UNC5C: variants seen among roughly 807,000 people sequenced by gnomAD.
UNC5C encodes the protein unc-5 netrin receptor C, also known as netrin receptor UNC5C.
A neutral mutation model predicts 99.8 loss-of-function variants in UNC5C; 47 were observed. The ratio of observed to expected loss-of-function variants is 0.47; its 90% confidence interval spans 0.37 to 0.60. The LOEUF is 0.60. Among genes scored for constraint, UNC5C ranks in the 20% least tolerant of loss-of-function variants. UNC5C has a pLI of 0.00. For missense variants in UNC5C, 1,062 were observed against 1,165.9 expected (o/e 0.91, Z 1.30); for synonymous variants, 487 against 452.2 (o/e 1.08, Z -0.98).
At chr4:95,394,244 T>C (rs1579380502) in intron 1 of UNC5C, among the ~76,000 whole-genome samples, 1 of 149,704 alleles carries the variant, frequency 6.7e-6, no homozygotes, top group East Asian at 1.9e-4. Context: ...TCTGAAACTT[T>C]AATAGTAATT....
intron 1 of UNC5C, among the ~76,000 whole-genome samples, chr4:95,508,669 T>A (rs1305438732): frequency 6.6e-6 from 1 of 151,856 alleles, no homozygotes; most frequent in Non-Finnish European, 1.5e-5. Context: ...TCTAGTTTGT[T>A]CCCAAAAAGG....
intron 12 of UNC5C, among the ~76,000 whole-genome samples, chr4:95,192,323 AC>A (rs1737169147): frequency 2.7e-5 from 1 of 36,666 alleles, no homozygotes; most frequent in African/African-American, 1.2e-4. Flanking sequence ...TCCCCTGCTC[AC>A]CTCCTCCCCT....
rs58901868 is a variant in UNC5C at position 95,536,061 on chromosome 4, CATAT to C, written c.124+12669_124+12672del. Among the ~76,000 whole-genome samples the C allele has an allele frequency of 1.3e-3, 176 of 140,788 alleles. 6 individuals are homozygous for C. The highest frequency in any genetic ancestry group is 1.5e-3 in the Non-Finnish European group (98 of 65,608). The allele number at this position is 140,788 out of a possible 152,430, so 92.4% of individuals were successfully genotyped here. A position where few individuals can be genotyped will look rare whatever the true frequency, so the allele number is the denominator to read the frequency against. On this transcript the variant is annotated intron_variant, in intron 1 of 15. Coordinates refer to ENST00000453304, the MANE Select transcript of UNC5C (RefSeq NM_003728.4). ...TGTTGGCAGTCCATATACATACATACATATATATATATATATATATATTTTTTTT... is the reference window on the plus strand; with the variant it reads ...TGTTGGCAGTCCATATACATACATACATATATATATATATATATTTTTTTT...
chr4:95,533,058 T>C (rs1722693968), intron 1 of UNC5C, among the ~76,000 whole-genome samples: 1 of 152,100 alleles, frequency 6.6e-6, no homozygotes, highest in Non-Finnish European at 1.5e-5. Flanking sequence ...GAAATGGACA[T>C]ATTTTTAAAA....
intron 12 of UNC5C, among the ~76,000 whole-genome samples, chr4:95,199,230 C>T (rs1737555445): frequency 6.6e-6 from 1 of 152,070 alleles, no homozygotes; most frequent in Admixed American, 6.5e-5. Context: ...TAGCAGGGCG[C>T]CAAGAAGGCA....
intron 10 of UNC5C, 75 bp downstream of exon 10, chr4:95,216,049 T>A: frequency 7.7e-7 from 1 of 1,295,246 alleles, no homozygotes; most frequent in Non-Finnish European, 1.1e-6. Context: ...TATGTTGGGT[T>A]TATTGTGTCT....
At chr4:95,227,467 T>TAA (rs1157033402) in intron 7 of UNC5C, among the ~76,000 whole-genome samples, 2 of 152,212 alleles carry the variant, frequency 1.3e-5, no homozygotes, top group Non-Finnish European at 2.9e-5. Flanking sequence ...CTTGTATTTT[T>TAA]AAAGAAAATT....
At chr4:95,295,459 A>G (rs918078218) in intron 3 of UNC5C, among the ~76,000 whole-genome samples, 2 of 152,156 alleles carry the variant, frequency 1.3e-5, no homozygotes, top group African/African-American at 4.8e-5. Context: ...CTCTGCCTTG[A>G]TTGTCTCACA....
intron 1 of UNC5C, among the ~76,000 whole-genome samples, chr4:95,536,387 T>A (rs996823941): frequency 2.6e-5 from 4 of 151,736 alleles, no homozygotes; most frequent in African/African-American, 7.2e-5. Flanking sequence ...CTCAATATAT[T>A]TTTTTTTAGT....
At chr4:95,254,533 C>T (rs1413928408) in intron 4 of UNC5C, among the ~76,000 whole-genome samples, 2 of 152,162 alleles carry the variant, frequency 1.3e-5, no homozygotes, top group Non-Finnish European at 2.9e-5. Flanking sequence ...CAGTCTAGAT[C>T]ATTGCCCTTA....
chr4:95,194,395 T>C (rs1737290912), intron 12 of UNC5C, among the ~76,000 whole-genome samples: 1 of 152,186 alleles, frequency 6.6e-6, no homozygotes, highest in African/African-American at 2.4e-5. Flanking sequence ...ACTTAAAAAA[T>C]AACACAAACT....
chr4:95,335,302 G>A lies in UNC5C; in HGVS notation c.346+108C>T, dbSNP rs533324953. 2.1e-4 allele frequency: 234 copies of A among 1,094,098 alleles called. 3 individuals are homozygous for A. The highest frequency in any genetic ancestry group is 1.1e-3 in the Middle Eastern group (4 of 3,714). 67.8% of individuals were successfully genotyped at this position (1,094,098 alleles called of 1,614,324 possible). A position where few individuals can be genotyped will look rare whatever the true frequency, so the allele number is the denominator to read the frequency against. ...AACCAATTCAAAACTTTTTGTCAGA[G>A]AATAACTCCATTTTCCATTCCACTA... On this transcript the variant is annotated intron_variant, in intron 2 of 15. Coordinates refer to ENST00000453304, the MANE Select transcript of UNC5C (RefSeq NM_003728.4).
At chr4:95,427,051 T>C (rs1238756088) in intron 1 of UNC5C, among the ~76,000 whole-genome samples, 1 of 152,166 alleles carries the variant, frequency 6.6e-6, no homozygotes, top group Non-Finnish European at 1.5e-5. Flanking sequence ...AGAGGAGAAG[T>C]GATCCTTATG....
intron 4 of UNC5C, among the ~76,000 whole-genome samples, chr4:95,253,848 G>C (rs1245343363): frequency 1.3e-5 from 2 of 151,998 alleles, no homozygotes; most frequent in African/African-American, 4.8e-5. Flanking sequence ...TAATACCAGG[G>C]GCTACACATC....
chr4:95,346,112 A>G (rs1743761967), intron 1 of UNC5C, among the ~76,000 whole-genome samples: 1 of 151,914 alleles, frequency 6.6e-6, no homozygotes, highest in African/African-American at 2.4e-5. Flanking sequence ...TACACCTGAT[A>G]CTATAGAAAT....
At chr4:95,426,996 C>T (rs1268573762) in intron 1 of UNC5C, among the ~76,000 whole-genome samples, 1 of 152,138 alleles carries the variant, frequency 6.6e-6, no homozygotes, top group Non-Finnish European at 1.5e-5. Context: ...TAGACAAAAC[C>T]GCCATATATT....
chr4:95,362,173 A>C (rs942692829), intron 1 of UNC5C, among the ~76,000 whole-genome samples: 1 of 151,920 alleles, frequency 6.6e-6, no homozygotes, highest in Non-Finnish European at 1.5e-5. Flanking sequence ...TCTATCATCT[A>C]TTTCTTCTTG....
intron 1 of UNC5C, among the ~76,000 whole-genome samples, chr4:95,456,911 A>C (rs1055920483): frequency 6.6e-6 from 1 of 152,112 alleles, no homozygotes; most frequent in African/African-American, 2.4e-5. Flanking sequence ...TCACTGAAGA[A>C]ATGACTGACT....
intron 1 of UNC5C, among the ~76,000 whole-genome samples, chr4:95,408,156 C>G (rs905529361): frequency 2.0e-5 from 3 of 152,050 alleles, no homozygotes; most frequent in African/African-American, 7.2e-5. Context: ...TCAATAAAGA[C>G]TTCAAAGCAG....
Sources: gnomAD v4.1 joint callset for allele counts (sites outside exome capture counted in the v4.1 genomes callset) on GRCh38, gnomAD v4.1.1 for gene constraint, MANE v1.5 for transcripts, NCBI Gene and HGNC (gene_info 2026-07-23, HGNC 2026-07-21) for gene names.